Variants in NSD1 observed in about 807,000 individuals in gnomAD.
NSD1 encodes nuclear receptor binding SET domain protein 1, also known as histone-lysine N-methyltransferase, H3 lysine-36 specific.
A neutral mutation model predicts 242.7 loss-of-function variants in NSD1; 26 were observed. That is an observed-to-expected ratio of 0.11 (90% CI 0.08 to 0.15). NSD1 has a LOEUF of 0.15. NSD1 is among the 10% of genes least tolerant of loss of function. NSD1 has a pLI of 1.00. For missense variants in NSD1, 2,495 were observed against 3,272.8 expected (o/e 0.76, Z 5.80); for synonymous variants, 1,106 against 1,178.1 (o/e 0.94, Z 1.25).
chr5:177,252,179 C>G (rs913648497), intron 12 of NSD1, among the ~76,000 whole-genome samples: 1 of 152,098 alleles, frequency 6.6e-6, no homozygotes, highest in Non-Finnish European at 1.5e-5. Context: ...TGCAGAAGGT[C>G]TAGTAATGAA....
At chr5:177,219,425 T>C (rs1764064384) in intron 5 of NSD1, among the ~76,000 whole-genome samples, 1 of 152,142 alleles carries the variant, frequency 6.6e-6, no homozygotes, top group Non-Finnish European at 1.5e-5. Context: ...GACCTTGTTA[T>C]CCTCCTGTCT....
intron 5 of NSD1, among the ~76,000 whole-genome samples, chr5:177,220,743 G>A (rs765272871): frequency 6.6e-6 from 1 of 151,438 alleles, no homozygotes; most frequent in African/African-American, 2.4e-5. Flanking sequence ...GCTAATTTTT[G>A]TCTTTTTAGT....
At chr5:177,169,086 ACTT>A (rs1271484993) in intron 2 of NSD1, among the ~76,000 whole-genome samples, 1 of 152,156 alleles carries the variant, frequency 6.6e-6, no homozygotes, top group Non-Finnish European at 1.5e-5. Flanking sequence ...TGCTGAGAAT[ACTT>A]CTCAGCTGCA....
intron 5 of NSD1, among the ~76,000 whole-genome samples, chr5:177,222,813 C>T (rs1407794881): frequency 1.3e-5 from 2 of 151,942 alleles, no homozygotes; most frequent in Admixed American, 6.6e-5. Flanking sequence ...CATATTTTCT[C>T]CTCTTATTTG....
Position 177,294,040 on chromosome 5 carries a change from C to G in NSD1, c.6672C>G (p.Pro2224=), listed in dbSNP as rs1331934728. The G allele has an allele frequency of 6.2e-7, 1 of 1,613,996 alleles. No homozygotes were observed. The highest frequency in any genetic ancestry group is 1.3e-5 in the African/African-American group (1 of 74,896). The change falls in exon 23 of 23, where the codon CCC becomes CCG. Residue 2224 remains proline (P), a synonymous_variant. Coordinates refer to ENST00000439151, the MANE Select transcript of NSD1 (RefSeq NM_022455.5). ...EPGEIREYVP[P]PVPLPPGPST... is the part of the protein sequence containing the mutation. ...GGGAGATCCGTGAGTATGTGCCTCC[C>G]CCAGTACCGCTGCCTCCAGGGCCAA...
intron 20 of NSD1, among the ~76,000 whole-genome samples, chr5:177,284,850 C>T (rs953784250): frequency 3.3e-5 from 5 of 152,112 alleles, no homozygotes; most frequent in South Asian, 2.1e-4. Flanking sequence ...CCTGTAGTCT[C>T]GGTTATTCAG....
intron 5 of NSD1, among the ~76,000 whole-genome samples, chr5:177,216,527 A>G (rs2039237257): frequency 6.6e-6 from 1 of 152,068 alleles, no homozygotes; most frequent in South Asian, 2.1e-4. Context: ...GTAAAATGAG[A>G]GTTCATCTTC....
At chr5:177,200,288 T>C (rs1383197480) in intron 3 of NSD1, among the ~76,000 whole-genome samples, 9 of 151,962 alleles carry the variant, frequency 5.9e-5, no homozygotes, top group Non-Finnish European at 1.2e-4. Context: ...TTTGTATTTT[T>C]AGTAGAGACA....
intron 2 of NSD1, among the ~76,000 whole-genome samples, chr5:177,158,290 TTTCTTTC>T (rs775348523): frequency 9.9e-4 from 80 of 80,788 alleles, no homozygotes; most frequent in South Asian, 2.2e-3. Context: ...TCTTTCTTTC[TTTCTTTC>T]TTTCTTTTCT....
rs139270316 is a variant in NSD1 at position 177,234,628 on chromosome 5, A to T, written c.3797-1193A>T. On this transcript the variant is annotated intron_variant, in intron 5 of 22. Coordinates refer to ENST00000439151, the MANE Select transcript of NSD1 (RefSeq NM_022455.5). ...CTACTCAGGAGGCTGAGGCAGTAGAATCGCTTGATCCTGGAAGGTGAAGGT... is the reference window on the plus strand; with the variant it reads ...CTACTCAGGAGGCTGAGGCAGTAGATTCGCTTGATCCTGGAAGGTGAAGGT... 2.9e-3 allele frequency among the ~76,000 whole-genome samples: 446 copies of T among 152,276 alleles called. 10 individuals are homozygous for T. The East Asian group carries it at 0.075, about 26-fold the overall frequency.
At chr5:177,228,104 C>A (rs957795562) in intron 5 of NSD1, among the ~76,000 whole-genome samples, 12 of 151,926 alleles carry the variant, frequency 7.9e-5, no homozygotes, top group Non-Finnish European at 1.8e-4. Flanking sequence ...TATCTAGAAA[C>A]TCATTTTTCA....
At chr5:177,255,462 C>T (rs1264608313) in intron 12 of NSD1, among the ~76,000 whole-genome samples, 1 of 152,142 alleles carries the variant, frequency 6.6e-6, no homozygotes, top group Non-Finnish European at 1.5e-5. Context: ...CCAGCAATTA[C>T]CTGTAGGAGG....
At chr5:177,274,784 A>T (rs908987665) in intron 17 of NSD1, among the ~76,000 whole-genome samples, 2 of 151,472 alleles carry the variant, frequency 1.3e-5, no homozygotes, top group Admixed American at 6.6e-5. Context: ...CCTAGGCTGG[A>T]GTGCAGTGGT....
chr5:177,265,603 G>A (rs1757366402), intron 14 of NSD1: 1 of 1,411,252 alleles, frequency 7.1e-7, no homozygotes, highest in Non-Finnish European at 1.0e-6. Flanking sequence ...AGCAGGACAG[G>A]TCGCACAGAT....
At chr5:177,156,174 A>ATTTTTTTTTTTT (rs34417228) in intron 2 of NSD1, among the ~76,000 whole-genome samples, 5 of 78,018 alleles carry the variant, frequency 6.4e-5, no homozygotes, top group Non-Finnish European at 9.0e-5. Flanking sequence ...CTCTTTTCAG[A>ATTTTTTTTTTTT]TTTTTTTTTT....
At chr5:177,228,991 T>C (rs1244127495) in intron 5 of NSD1, among the ~76,000 whole-genome samples, 1 of 152,212 alleles carries the variant, frequency 6.6e-6, no homozygotes, top group Admixed American at 6.5e-5. Context: ...TCTGTAGATT[T>C]GCCTTTTCCC....
At chr5:177,174,716 G>A (rs1446228257) in intron 2 of NSD1, among the ~76,000 whole-genome samples, 1 of 148,326 alleles carries the variant, frequency 6.7e-6, no homozygotes, top group Non-Finnish European at 1.5e-5. Flanking sequence ...CCACTACAAC[G>A]CCCGGCTAAT....
rs575995126 is a variant in NSD1 at position 177,201,335 on chromosome 5, G to A, written c.1064-2785G>A. On this transcript the variant is annotated intron_variant, in intron 3 of 22. Coordinates refer to ENST00000439151, the MANE Select transcript of NSD1 (RefSeq NM_022455.5). ...AGCGATTCTTCTGCCTCAGTCTCCC[G>A]AGTAGCTGGGACTAAAAGTCAGCTA... Among the ~76,000 whole-genome samples, 142 of 151,450 alleles carry A rather than the reference G, an allele frequency of 9.4e-4. 5 individuals carry two copies. In the South Asian group the frequency reaches 0.029, roughly 31 times the overall value.
intron 2 of NSD1, among the ~76,000 whole-genome samples, chr5:177,184,583 C>T (rs1162055544): frequency 1.3e-5 from 2 of 151,860 alleles, no homozygotes; most frequent in Admixed American, 1.3e-4. Flanking sequence ...GGCTGGTGTG[C>T]AGTGGGGCAG....
Sources: allele counts gnomAD v4.1 joint callset (sites outside exome capture counted in the v4.1 genomes callset), GRCh38; gene constraint gnomAD v4.1.1; transcripts MANE v1.5; gene names NCBI Gene and HGNC (gene_info 2026-07-23, HGNC 2026-07-21).